TRIML1: variants seen among roughly 807,000 people sequenced by gnomAD.
TRIML1 encodes probable E3 ubiquitin-protein ligase TRIML1.
In TRIML1, 34 loss-of-function variants were observed where a neutral mutation model predicts 32.3. The ratio of observed to expected loss-of-function variants is 1.05; its 90% CI spans 0.80 to 1.40. The LOEUF (loss-of-function observed/expected upper bound fraction) is 1.40, where lower values mean the gene tolerates loss of function less well. Ranked by LOEUF, TRIML1 falls within the 40% of genes most tolerant of loss-of-function variation. TRIML1 has a pLI of 0.00. For missense variants in TRIML1, 595 were observed against 574.9 expected, an observed-to-expected ratio of 1.03 and a Z score of -0.36; for synonymous variants, 244 against 226.6, an observed-to-expected ratio of 1.08 and a Z score of -0.69.
At chr4:188,144,376 T>A (rs1224264706) in intron 5 of TRIML1, among the ~76,000 whole-genome samples, 1 of 150,762 alleles carries the variant, frequency 6.6e-6, no homozygotes, top group South Asian at 2.1e-4. Context: ...TTTTTTTTTT[T>A]CTTTGAGACG....
At position 188,142,332 on chromosome 4, in the gene TRIML1, G is replaced by C; in HGVS notation, c.585G>C (p.Leu195=). 1 of 1,613,278 alleles carries C rather than the reference G, an allele frequency of 6.2e-7. No homozygotes were observed. Among genetic ancestry groups the C allele is most frequent in the Non-Finnish European group, 8.5e-7 (1 of 1,179,900 alleles). ...MHQFLKEEEQ[L]QLQLLEQEEK... ...AGTTCCTGAAGGAAGAGGAGCAGCT[G>C]CAACTCCAGCTACTAGAACAGGAAG... The change falls in exon 3 of 6, where the codon CTG becomes CTC. Residue 195 remains leucine (L), a synonymous_variant. Transcript: ENST00000332517.
At chr4:188,142,199 C>G (rs1012196305) in intron 2 of TRIML1, 53 bp from the exon 3 acceptor site, 12 of 1,253,286 alleles carry the variant, frequency 9.6e-6, no homozygotes, top group Admixed American at 2.2e-5. Flanking sequence ...CTCTTACTAA[C>G]TTTATCTCGT....
chr4:188,140,005 C>T (rs1369178398), intron 1 of TRIML1, 39 bp downstream of exon 1: 1 of 1,542,418 alleles, frequency 6.5e-7, no homozygotes, highest in Admixed American at 1.9e-5. Context: ...CGACTCATCG[C>T]AGCTAACTCC....
rs938257613 is a variant in TRIML1 at position 188,141,166 on chromosome 4, T to G, written c.504+543T>G. The stretch of plus-strand genomic sequence containing the variant: ...TTCTCCCAATAGACTTTGAAATCTG[T>G]TTTTTTTTTTTTTTTTTTGGAGATG... On this transcript the variant is annotated intron_variant, in intron 2 of 5. Transcript: ENST00000332517. 8.0e-3 allele frequency among the ~76,000 whole-genome samples: 201 copies of G among 25,222 alleles called. 2 individuals carry two copies. The highest frequency in any genetic ancestry group is 0.014 in the Non-Finnish European group (143 of 9,912). 16.5% of individuals were successfully genotyped at this position (25,222 alleles called of 152,430 possible). A position where few individuals can be genotyped will look rare whatever the true frequency, so the allele number is the denominator to read the frequency against.
chr4:188,138,439 C>A (rs537376074), upstream of TRIML1, among the ~76,000 whole-genome samples: 1 of 152,032 alleles, frequency 6.6e-6, no homozygotes, highest in South Asian at 2.1e-4. Context: ...AGGTCAAACT[C>A]GCTGGCCTTT....
rs537044360 is a variant in TRIML1, at chr4:188,147,018, C to G, written c.1053C>G (p.Thr351=). 18 of 1,602,310 alleles carry G rather than the reference C, an allele frequency of 1.1e-5. No individual in the cohort carries two copies. Among genetic ancestry groups the G allele is most frequent in the Admixed American group, 1.7e-5 (1 of 59,078 alleles). The part of the protein sequence containing the change: ...HYWEVEVGNK[T]EWEVGICKDS... ...GGGAGGTGGAGGTGGGAAACAAGAC[C>G]GAGTGGGAAGTGGGCATCTGCAAGG... Residue 351 remains threonine, a synonymous_variant, in exon 6 of 6, where the codon ACC becomes ACG. Coordinates refer to ENST00000332517, the MANE Select transcript of TRIML1 (RefSeq NM_178556.5).
chr4:188,141,165 G>GTTTTTTTTTTTT lies in TRIML1; in HGVS notation c.504+550_504+561dup, dbSNP rs58714915. 2.3e-3 allele frequency among the ~76,000 whole-genome samples: 276 copies of GTTTTTTTTTTTT among 118,824 alleles called. 13 individuals carry two copies. The highest frequency in any genetic ancestry group is 3.0e-3 in the Non-Finnish European group (174 of 57,696). 78.0% of individuals were successfully genotyped at this position (118,824 alleles called of 152,430 possible). A position where few individuals can be genotyped will look rare whatever the true frequency, so the allele number is the denominator to read the frequency against. The stretch of plus-strand genomic sequence containing the variant: ...ATTCTCCCAATAGACTTTGAAATCT[G>GTTTTTTTTTTTT]TTTTTTTTTTTTTTTTTTTGGAGAT... On this transcript the variant is annotated intron_variant, in intron 2 of 5. Transcript: ENST00000332517.
chr4:188,138,048 C>G (rs1170773615), upstream of TRIML1, among the ~76,000 whole-genome samples: 1 of 151,766 alleles, frequency 6.6e-6, no homozygotes, highest in Non-Finnish European at 1.5e-5. Context: ...ACCTCTCTTC[C>G]TCTTTACAGT....
At chr4:188,149,140 T>C (rs980101765), downstream of TRIML1, among the ~76,000 whole-genome samples, 6 of 151,526 alleles carry the variant, frequency 4.0e-5, no homozygotes, top group Non-Finnish European at 5.9e-5. Context: ...AGGATGGTCT[T>C]GATCTCCTGA....
intron 5 of TRIML1, among the ~76,000 whole-genome samples, chr4:188,144,659 G>A (rs1037260072): frequency 6.6e-6 from 1 of 152,098 alleles, no homozygotes; most frequent in Non-Finnish European, 1.5e-5. Flanking sequence ...ACTGCGCCCA[G>A]CCAATCCTAG....
chr4:188,144,914 T>C (rs1245447155), intron 5 of TRIML1, among the ~76,000 whole-genome samples: 1 of 152,138 alleles, frequency 6.6e-6, no homozygotes, highest in East Asian at 1.9e-4. Context: ...TTGTGGACAA[T>C]CTGACCTTCA....
Position 188,142,309 on chromosome 4 carries a change from T to C in TRIML1, c.562T>C (p.Phe188Leu), listed in dbSNP as rs1244764363. The change falls in exon 3 of 6, where the codon TTC becomes CTC. Residue 188 changes from phenylalanine to leucine, a missense_variant. Transcript: ENST00000332517. The part of the protein sequence containing the change: ...VVSEYMKMHQ[F>L]LKEEEQLQLQ... ...GTCAGAATACATGAAAATGCACCAG[T>C]TCCTGAAGGAAGAGGAGCAGCTGCA... is the stretch of plus-strand genomic sequence containing the variant. The C allele has an allele frequency of 1.9e-6, 3 of 1,610,646 alleles. No homozygotes were observed. The highest frequency in any genetic ancestry group is 1.4e-5 in the African/African-American group (1 of 73,950).
intron 2 of TRIML1, among the ~76,000 whole-genome samples, 173 bp from the exon 3 acceptor site, chr4:188,142,079 T>C (rs1734875052): frequency 7.1e-6 from 1 of 141,654 alleles, no homozygotes; most frequent in Non-Finnish European, 1.5e-5. Context: ...ATTGCGCCAC[T>C]GCACTTCAGA....
intron 5 of TRIML1, among the ~76,000 whole-genome samples, chr4:188,144,423 C>G (rs1170526134): frequency 2.4e-4 from 36 of 147,784 alleles, no homozygotes; most frequent in Middle Eastern, 3.6e-3. Flanking sequence ...AGCGCAGGGG[C>G]GCGATCTCGG....
downstream of TRIML1, among the ~76,000 whole-genome samples, chr4:188,148,526 T>C (rs13133065): frequency 0.83 from 126,591 of 151,794 alleles, 53,080 homozygotes; most frequent in Non-Finnish European, 0.88. Context: ...TGTGAGGAAG[T>C]GGTGGTGGCT....
chr4:188,144,872 AGAGACGTCAG>A (rs562336725), intron 5 of TRIML1, among the ~76,000 whole-genome samples: 1 of 152,232 alleles, frequency 6.6e-6, no homozygotes, highest in South Asian at 2.1e-4. Context: ...GCCAACACTG[AGAGACGTCAG>A]GATTAGTTCT....
In TRIML1 at chr4:188,140,535, T is replaced by C. The variant is rs1345366461; in HGVS notation, c.416T>C (p.Leu139Pro). Residue 139 changes from leucine to proline, a missense_variant, in exon 2 of 6, where the codon CTC (leucine) becomes CCC (proline). Physicochemically the swap from Leu to Pro is moderately conservative, Grantham distance 98 (BLOSUM62 -3). Coordinates refer to ENST00000332517, the MANE Select transcript of TRIML1 (RefSeq NM_178556.5). ...SEAEEHHREKLQEILNLLRVR... is the reference protein window; with the variant it reads ...SEAEEHHREKPQEILNLLRVR... Reference sequence around the variant, plus strand: ...GGTTTGTTTCTATTGCAGGAGAAACTCCAGGAAATCCTGAATCTTTTGCGT... The same window carrying C: ...GGTTTGTTTCTATTGCAGGAGAAACCCCAGGAAATCCTGAATCTTTTGCGT... 8.7e-6 allele frequency: 14 copies of C among 1,613,824 alleles called. No individual in the cohort carries two copies. The East Asian group carries it at 3.1e-4, about 36-fold the overall frequency.
At chr4:188,145,055 T>C (rs1194701202) in intron 5 of TRIML1, among the ~76,000 whole-genome samples, 1 of 152,110 alleles carries the variant, frequency 6.6e-6, no homozygotes, top group African/African-American at 2.4e-5. Flanking sequence ...TTTCCTTTTG[T>C]AGAATTTTCA....
In TRIML1 at chr4:188,139,946, G is replaced by A. The variant is rs1376192647; in HGVS notation, c.388G>A (p.Glu130Lys). The A allele has an allele frequency of 6.2e-6, 10 of 1,609,916 alleles. No homozygotes were observed. The Admixed American group carries it at 6.7e-5, about 11-fold the overall frequency. ...HGANRVHLSS[E>K]AEEHHREKLQ... Reference sequence around the variant, plus strand: ...TGCAAACAGAGTGCATCTCTCCAGCGAGGCTGAGGAGCATCACAGAGTAAG... The same window carrying A: ...TGCAAACAGAGTGCATCTCTCCAGCAAGGCTGAGGAGCATCACAGAGTAAG... Residue 130 changes from glutamate to lysine, a missense_variant, in exon 1 of 6, where the codon GAG (glutamate) becomes AAG (lysine). Coordinates refer to ENST00000332517, the MANE Select transcript of TRIML1 (RefSeq NM_178556.5).
Sources: gnomAD v4.1 joint callset for allele counts (sites outside exome capture counted in the v4.1 genomes callset) on GRCh38, gnomAD v4.1.1 for gene constraint, MANE v1.5 for transcripts, NCBI Gene and HGNC (gene_info 2026-07-23, HGNC 2026-07-21) for gene names.